Variants in ARHGAP32 observed in about 807,000 individuals in gnomAD.
ARHGAP32 encodes Rho GTPase activating protein 32.
In ARHGAP32, 51 loss-of-function variants were observed where a neutral mutation model predicts 186.5. The ratio of observed to expected loss-of-function variants is 0.27; its 90% confidence interval spans 0.22 to 0.35. The LOEUF (loss-of-function observed/expected upper bound fraction) is 0.35, where lower values mean the gene tolerates loss of function less well. Among genes scored for constraint, ARHGAP32 ranks in the 10% least tolerant of loss-of-function variants. The pLI, the probability that ARHGAP32 is intolerant of heterozygous loss-of-function variation, is 1.00. For missense variants in ARHGAP32, 2,186 were observed against 2,623.5 expected, an observed-to-expected ratio of 0.83 and a Z score of 3.64; for synonymous variants, 950 against 964.3, an observed-to-expected ratio of 0.99 and a Z score of 0.27.
rs1026779234 is a variant in ARHGAP32 at position 129,123,298 on chromosome 11, A to C, written c.444+148T>G. 3.2e-6 allele frequency: 2 copies of C among 628,484 alleles called. No homozygotes were observed. The highest frequency in any genetic ancestry group is 1.9e-5 in the African/African-American group (1 of 53,682). 38.9% of individuals were successfully genotyped at this position (628,484 alleles called of 1,614,324 possible). The stretch of plus-strand genomic sequence containing the variant: ...AAGTATTTGTCAATAGAAGAGAAGA[A>C]AGATTTTACCTCAACCAATAAGACA... On this transcript the variant is annotated intron_variant, in intron 5 of 22. Coordinates refer to ENST00000682385, the MANE Select transcript of ARHGAP32 (RefSeq NM_001378024.1). This position sits in a 1 kb window ranked among gnomAD's most constrained non-coding sequence, Gnocchi z 4.6.
intron 6 of ARHGAP32, among the ~76,000 whole-genome samples, chr11:129,085,007 G>T (rs1421055509): frequency 6.6e-6 from 1 of 151,678 alleles, no homozygotes; most frequent in Non-Finnish European, 1.5e-5. Flanking sequence ...ATGAGCAAGA[G>T]AAATTTTGTT....
intron 1 of ARHGAP32, among the ~76,000 whole-genome samples, chr11:129,204,946 G>A (rs1460217240): frequency 2.0e-5 from 3 of 152,006 alleles, no homozygotes; most frequent in Admixed American, 2.0e-4. Flanking sequence ...ATTTATTTCT[G>A]GAAACAGAGA....
At chr11:128,985,433 T>C (rs983890404) in intron 15 of ARHGAP32, among the ~76,000 whole-genome samples, 5 of 152,226 alleles carry the variant, frequency 3.3e-5, no homozygotes, top group African/African-American at 1.2e-4. Context: ...TTGTCAGTAA[T>C]TGGAATTTTA....
chr11:129,053,916 T>C (rs1171694253), intron 10 of ARHGAP32, among the ~76,000 whole-genome samples: 1 of 152,110 alleles, frequency 6.6e-6, no homozygotes, highest in Non-Finnish European at 1.5e-5. Context: ...GGATATTACA[T>C]GAATATGATA....
chr11:129,039,640 T>A (rs1197888810), intron 11 of ARHGAP32, among the ~76,000 whole-genome samples: 1 of 152,224 alleles, frequency 6.6e-6, no homozygotes, highest in African/African-American at 2.4e-5. Flanking sequence ...TGTTCTAAAA[T>A]TAACTGTGGT....
chr11:128,970,134 T>A lies in ARHGAP32; in HGVS notation c.5079A>T (p.Arg1693Ser), dbSNP rs1945320580. 1 of 1,613,736 alleles carries A rather than the reference T, an allele frequency of 6.2e-7. No individual in the cohort carries two copies. Among genetic ancestry groups the A allele is most frequent in the African/African-American group, 1.3e-5 (1 of 74,772 alleles). Residue 1693 changes from arginine to serine, a missense_variant, in exon 23 of 23, where the codon AGA becomes AGT. Arg to Ser is a moderately radical substitution (Grantham distance 110). Coordinates refer to ENST00000682385, the MANE Select transcript of ARHGAP32 (RefSeq NM_001378024.1). This position sits in a 1 kb window ranked among gnomAD's most constrained non-coding sequence, Gnocchi z 5.8. Reference protein sequence around the residue: ...DVDAYGTVQLRPLHRLPNRDF... With the variant: ...DVDAYGTVQLSPLHRLPNRDF... ...CTCGATTGGGAAGGCGGTGAAGGGG[T>A]CTCAACTGGACTGTGCCATAGGCAT...
At chr11:129,166,439 A>C (rs1943642836) in intron 1 of ARHGAP32, among the ~76,000 whole-genome samples, 1 of 152,148 alleles carries the variant, frequency 6.6e-6, no homozygotes, top group Non-Finnish European at 1.5e-5. Context: ...ATTTTTAAAA[A>C]TTAAAACCAT....
chr11:129,069,805 C>T (rs1054528836), intron 6 of ARHGAP32, among the ~76,000 whole-genome samples: 7 of 151,960 alleles, frequency 4.6e-5, no homozygotes, highest in Non-Finnish European at 8.8e-5. Flanking sequence ...AAATGATCTG[C>T]AATTTGGTAG....
chr11:129,181,418 C>T (rs867964126), intron 1 of ARHGAP32, among the ~76,000 whole-genome samples: 2 of 152,112 alleles, frequency 1.3e-5, no homozygotes, highest in Non-Finnish European at 2.9e-5. Context: ...ATTTTACCCA[C>T]GGCTGATGAT....
chr11:129,196,862 G>C (rs2135568680), upstream of ARHGAP32, among the ~76,000 whole-genome samples: 1 of 152,202 alleles, frequency 6.6e-6, no homozygotes, highest in East Asian at 1.9e-4. Context: ...TTCGAGACCA[G>C]CCTGTCCAAC....
chr11:129,129,308 C>T (rs990877135), intron 2 of ARHGAP32, among the ~76,000 whole-genome samples: 1 of 148,448 alleles, frequency 6.7e-6, no homozygotes, highest in African/African-American at 2.5e-5. Context: ...CCCCTCCGCC[C>T]GGCAGCTGCC....
chr11:128,994,110 AG>A (rs1405860352), intron 12 of ARHGAP32, among the ~76,000 whole-genome samples: 4 of 152,120 alleles, frequency 2.6e-5, no homozygotes, highest in Non-Finnish European at 5.9e-5. Flanking sequence ...GATATTTGAA[AG>A]CTAATGAGCA....
In ARHGAP32 at chr11:129,274,752, G is replaced by GA. The variant is rs371168943; in HGVS notation, c.-5+4393dup. Among the ~76,000 whole-genome samples, 295 of 148,740 alleles carry GA rather than the reference G, an allele frequency of 2.0e-3. 12 individuals are homozygous for GA. In the East Asian group the frequency reaches 0.045, roughly 23 times the overall value. On this transcript the variant is annotated intron_variant, in intron 1 of 6. Transcript: ENST00000525234. ...CTGGATAGTAAACTAGATCTATTTA[G>GA]AAAAAAAAAATTAGCTTTTATTATT...
At chr11:129,051,458 T>C (rs567146981) in intron 10 of ARHGAP32, among the ~76,000 whole-genome samples, 46 of 152,350 alleles carry the variant, frequency 3.0e-4, no homozygotes, top group African/African-American at 9.6e-4. Context: ...GAAGTGTCTG[T>C]TTATATCCTT....
At chr11:129,128,714 C>T (rs1942721184) in intron 2 of ARHGAP32, among the ~76,000 whole-genome samples, 1 of 152,012 alleles carries the variant, frequency 6.6e-6, no homozygotes, top group Non-Finnish European at 1.5e-5. Flanking sequence ...CTGCAGAGTG[C>T]CTGGGATTGC....
intron 1 of ARHGAP32, among the ~76,000 whole-genome samples, chr11:129,227,172 A>G (rs1591706505): frequency 6.6e-6 from 1 of 152,042 alleles, no homozygotes; most frequent in African/African-American, 2.4e-5. Flanking sequence ...TATTGAAATT[A>G]AGTGAGTATT....
intron 2 of ARHGAP32, among the ~76,000 whole-genome samples, chr11:129,163,159 G>A (rs1943564538): frequency 6.6e-6 from 1 of 152,142 alleles, no homozygotes; most frequent in Non-Finnish European, 1.5e-5. Context: ...TAAAATGTTT[G>A]TGAATTTATG....
intron 11 of ARHGAP32, among the ~76,000 whole-genome samples, chr11:129,031,913 G>C (rs1413531238): frequency 1.3e-5 from 2 of 152,210 alleles, no homozygotes; most frequent in Non-Finnish European, 2.9e-5. Context: ...ACTGACTTCA[G>C]AGGGAGGGCT....
chr11:129,180,962 A>G (rs1006767480), intron 1 of ARHGAP32, among the ~76,000 whole-genome samples: 8 of 152,132 alleles, frequency 5.3e-5, no homozygotes, highest in African/African-American at 1.9e-4. Flanking sequence ...CTCATAACTT[A>G]TGAAAAATTA....
Sources: allele counts gnomAD v4.1 joint callset (sites outside exome capture counted in the v4.1 genomes callset), GRCh38; gene constraint gnomAD v4.1.1; non-coding constraint Gnocchi (gnomAD v3.1); transcripts MANE v1.5; gene names NCBI Gene and HGNC (gene_info 2026-07-23, HGNC 2026-07-21).